Variants in FOXN3 observed in about 807,000 individuals in gnomAD.
The protein encoded by FOXN3 is forkhead box N3.
In FOXN3, 7 loss-of-function variants were observed where a neutral mutation model predicts 38.4. That is an observed-to-expected ratio of 0.18 (90% CI 0.10 to 0.34). The LOEUF is 0.34. FOXN3 is among the 10% of genes least tolerant of loss of function. FOXN3 has a pLI of 1.00. For missense variants in FOXN3, 456 were observed against 613.4 expected, an observed-to-expected ratio of 0.74 and a Z score of 2.71; for synonymous variants, 230 against 242.2, an observed-to-expected ratio of 0.95 and a Z score of 0.47.
chr14:89,294,732 C>A (rs761713481), intron 3 of FOXN3, among the ~76,000 whole-genome samples: 1 of 152,162 alleles, frequency 6.6e-6, no homozygotes, highest in African/African-American at 2.4e-5. Flanking sequence ...ATGCCAACAT[C>A]AGGAAGTTAC....
chr14:89,240,186 C>A (rs1885100001), intron 4 of FOXN3, among the ~76,000 whole-genome samples: 1 of 152,068 alleles, frequency 6.6e-6, no homozygotes, highest in African/African-American at 2.4e-5. Context: ...TCTCAGCAAA[C>A]CTCCAATCAG....
chr14:89,383,951 A>C (rs1427644881), intron 2 of FOXN3, among the ~76,000 whole-genome samples: 1 of 151,978 alleles, frequency 6.6e-6, no homozygotes, highest in Non-Finnish European at 1.5e-5. Context: ...CACCATGCCC[A>C]GCTAAAAAAA....
At chr14:89,411,629 A>G (rs1041685379) in intron 2 of FOXN3, among the ~76,000 whole-genome samples, 5 of 152,212 alleles carry the variant, frequency 3.3e-5, no homozygotes, top group Admixed American at 6.5e-5. Flanking sequence ...CCCTAAAACC[A>G]AAGTGACCCA....
chr14:89,360,412 G>C lies in FOXN3; in HGVS notation c.544-9604C>G, dbSNP rs1889427628. 2.7e-5 allele frequency among the ~76,000 whole-genome samples: 4 copies of C among 149,434 alleles called. No homozygotes were observed. The South Asian group carries it at 8.5e-4, about 32-fold the overall frequency. On this transcript the variant is annotated intron_variant, in intron 2 of 5. Coordinates refer to ENST00000557258, the MANE Select transcript of FOXN3 (RefSeq NM_005197.4). ...GGAGGGAGGCAGGAAGACAGGGAGA[G>C]AGGTAAAAAGAGAGGGAGGAAGGGA...
At chr14:89,583,849 C>T (rs528478959) in intron 1 of FOXN3, among the ~76,000 whole-genome samples, 78 of 151,150 alleles carry the variant, frequency 5.2e-4, no homozygotes, top group African/African-American at 1.6e-3. Context: ...TGTCAGATAC[C>T]GCACCCAGCC....
In FOXN3 at chr14:89,338,821, T is replaced by A. The variant is rs547428427; in HGVS notation, c.680+11851A>T. ...AAAACTCTGTCTCAAAGAAAAAAAA[T>A]ATTTGGTATGCAGCATTTGCAGAAA... On this transcript the variant is annotated intron_variant, in intron 3 of 5. Coordinates refer to ENST00000557258, the MANE Select transcript of FOXN3 (RefSeq NM_005197.4). Among the ~76,000 whole-genome samples, 30 of 152,016 alleles carry A rather than the reference T, an allele frequency of 2.0e-4. 1 individual carries two copies. Among genetic ancestry groups the A allele is most frequent in the African/African-American group, 6.5e-4 (27 of 41,482 alleles).
In FOXN3 at chr14:89,520,218, T is replaced by G. The variant is rs578252442; in HGVS notation, c.-15+98810A>C. 2.0e-5 allele frequency among the ~76,000 whole-genome samples: 3 copies of G among 151,918 alleles called. No homozygotes were observed. The East Asian group carries it at 5.8e-4, about 29-fold the overall frequency. ...TGTAGAGACAGGGGTTTCGCCATGT[T>G]GTCCAGACTGAGTTTTTCTTTCTTT... On this transcript the variant is annotated intron_variant, in intron 1 of 6. Coordinates refer to the FOXN3 transcript ENST00000345097.
Position 89,163,679 on chromosome 14 carries a change from C to A in FOXN3, c.852-710G>T, listed in dbSNP as rs1208022775. Among the ~76,000 whole-genome samples the A allele has an allele frequency of 6.6e-6, 1 of 152,236 alleles. No individual in the cohort carries two copies. Among genetic ancestry groups the A allele is most frequent in the Non-Finnish European group, 1.5e-5 (1 of 68,044 alleles). On this transcript the variant is annotated intron_variant, in intron 5 of 5. Coordinates refer to ENST00000557258, the MANE Select transcript of FOXN3 (RefSeq NM_005197.4). The surrounding 1 kb of genome is among the most constrained non-coding windows in gnomAD (Gnocchi z 4.3). The stretch of plus-strand genomic sequence containing the variant: ...AACTACGACTTCCCGAACTCAACAC[C>A]TGCCAGGCGCTCTGCTAAGTCTGTG...
chr14:89,555,307 G>A (rs1274959108), intron 1 of FOXN3, among the ~76,000 whole-genome samples: 1 of 152,110 alleles, frequency 6.6e-6, no homozygotes, highest in Non-Finnish European at 1.5e-5. Context: ...CAATTAATAT[G>A]ATCAATTTGC....
intron 2 of FOXN3, among the ~76,000 whole-genome samples, chr14:89,381,340 G>A (rs1329874821): frequency 1.3e-5 from 2 of 151,632 alleles, no homozygotes; most frequent in Non-Finnish European, 2.9e-5. Context: ...CTCGAACCCC[G>A]AGGCCTACAA....
chr14:89,395,736 C>T (rs1326352141), intron 2 of FOXN3, among the ~76,000 whole-genome samples: 1 of 152,026 alleles, frequency 6.6e-6, no homozygotes, highest in Non-Finnish European at 1.5e-5. Context: ...GTGTAATTAC[C>T]TTATTACTAT....
At position 89,594,349 on chromosome 14, in the gene FOXN3, T is replaced by C. The variant is rs1896014878; in HGVS notation, c.-15+24679A>G. Among the ~76,000 whole-genome samples, 3 of 152,246 alleles carry C rather than the reference T, an allele frequency of 2.0e-5. No individual in the cohort carries two copies. In the South Asian group the frequency reaches 6.2e-4, roughly 32 times the overall value. On this transcript the variant is annotated intron_variant, in intron 1 of 6. Coordinates refer to the FOXN3 transcript ENST00000345097. ...ACCACCAGTGTATGAGAATTCTCAT[T>C]TCTACAAATCCTCACCAACTCTTGG...
rs1891279228 is a variant in FOXN3 at position 89,402,604 on chromosome 14, T to TG, written c.543+9329dup. On this transcript the variant is annotated intron_variant, in intron 2 of 5. Coordinates refer to ENST00000557258, the MANE Select transcript of FOXN3 (RefSeq NM_005197.4). ...TAGCCAATAAGATCAAAGCAGAGGGTGGGGTTTCTGGGAAAGCCCCTTAAA... is the reference window on the plus strand; with the variant it reads ...TAGCCAATAAGATCAAAGCAGAGGGTGGGGGTTTCTGGGAAAGCCCCTTAAA... Among the ~76,000 whole-genome samples, 3 of 152,290 alleles carry TG rather than the reference T, an allele frequency of 2.0e-5. No individual in the cohort carries two copies. In the South Asian group the frequency reaches 6.2e-4, roughly 32 times the overall value.
At chr14:89,604,463 G>A (rs1362892342) in intron 1 of FOXN3, among the ~76,000 whole-genome samples, 1 of 152,184 alleles carries the variant, frequency 6.6e-6, no homozygotes, top group Non-Finnish European at 1.5e-5. Flanking sequence ...CAGGAAACCA[G>A]AGGGAAAAAA....
intron 5 of FOXN3, among the ~76,000 whole-genome samples, chr14:89,178,687 C>T (rs1240453841): frequency 6.6e-6 from 1 of 152,234 alleles, no homozygotes; most frequent in African/African-American, 2.4e-5. Context: ...GTTGAAATAA[C>T]ACCTCAAGAG....
chr14:89,272,075 C>T (rs1380256989), intron 4 of FOXN3, among the ~76,000 whole-genome samples: 7 of 151,884 alleles, frequency 4.6e-5, no homozygotes, highest in Admixed American at 3.3e-4. Context: ...TTTGGGAGGC[C>T]GAGGCGGGTG....
chr14:89,601,591 C>T (rs1896154662), intron 1 of FOXN3, among the ~76,000 whole-genome samples: 1 of 152,084 alleles, frequency 6.6e-6, no homozygotes, highest in Non-Finnish European at 1.5e-5. Flanking sequence ...ATATTGAGGC[C>T]AATAACCTAG....
intron 1 of FOXN3, among the ~76,000 whole-genome samples, chr14:89,478,012 T>G (rs150118231): frequency 1.3e-5 from 2 of 152,120 alleles, no homozygotes; most frequent in African/African-American, 4.8e-5. Flanking sequence ...CCAAATCTCA[T>G]GTTGAAATGT....
chr14:89,279,626 AT>A (rs1474171306), intron 4 of FOXN3, among the ~76,000 whole-genome samples: 1 of 152,208 alleles, frequency 6.6e-6, no homozygotes, highest in Non-Finnish European at 1.5e-5. Context: ...AACAGAATAG[AT>A]TTTTTTAAAT....
Sources: gnomAD v4.1 joint callset for allele counts (sites outside exome capture counted in the v4.1 genomes callset) on GRCh38, gnomAD v4.1.1 for gene constraint, Gnocchi (gnomAD v3.1) non-coding constraint, MANE v1.5 for transcripts, NCBI Gene and HGNC (gene_info 2026-07-23, HGNC 2026-07-21) for gene names.